ADAM18: variants seen among roughly 807,000 people sequenced by gnomAD.
The protein encoded by ADAM18 is disintegrin and metalloproteinase domain-containing protein 18.
In ADAM18, 117 loss-of-function variants were observed where a neutral mutation model predicts 94.4. That is an observed-to-expected ratio of 1.24 (90% CI 1.07 to 1.45). The LOEUF (loss-of-function observed/expected upper bound fraction) is 1.45. Ranked by LOEUF, ADAM18 falls within the 40% of genes most tolerant of loss-of-function variation. The pLI, the probability that ADAM18 is intolerant of heterozygous loss-of-function variation, is 0.00. For synonymous variants in ADAM18, 327 were observed against 291.6 expected (o/e 1.12, Z -1.24); for missense variants, 936 against 880.0 (o/e 1.06, Z -0.81).
chr8:39,706,662 T>C (rs1258343250), intron 17 of ADAM18, 128 bp from the exon 18 acceptor site: 4 of 497,230 alleles, frequency 8.0e-6, no homozygotes, highest in Non-Finnish European at 1.4e-5. Flanking sequence ...TCACATTATA[T>C]AGTCATAATA....
chr8:39,586,620 T>C (rs1818400352), intron 2 of ADAM18, among the ~76,000 whole-genome samples: 1 of 152,080 alleles, frequency 6.6e-6, no homozygotes, highest in Non-Finnish European at 1.5e-5. Context: ...CCAGCTGTTC[T>C]GGAGGCTGAG....
chr8:39,710,959 T>C (rs1822378938), intron 18 of ADAM18, among the ~76,000 whole-genome samples: 1 of 152,204 alleles, frequency 6.6e-6, no homozygotes, highest in African/African-American at 2.4e-5. Context: ...GGCTAATTCC[T>C]AGGCTCAGCG....
chr8:39,725,364 T>C (rs1822873913), intron 19 of ADAM18, among the ~76,000 whole-genome samples: 1 of 152,062 alleles, frequency 6.6e-6, no homozygotes, highest in Non-Finnish European at 1.5e-5. Context: ...TTGATATAGA[T>C]CTACCCTCTT....
intron 10 of ADAM18, among the ~76,000 whole-genome samples, chr8:39,644,792 C>CTT (rs1265342412): frequency 3.3e-5 from 5 of 152,236 alleles, no homozygotes; most frequent in African/African-American, 1.2e-4. Flanking sequence ...ACTTAACTAC[C>CTT]TTATTTTATA....
chr8:39,663,675 C>T, intron 12 of ADAM18, 120 bp from the exon 13 acceptor site: 1 of 294,928 alleles, frequency 3.4e-6, no homozygotes, highest in Non-Finnish European at 6.1e-6. Flanking sequence ...TGGAATTATA[C>T]AATTATATTG....
intron 14 of ADAM18, among the ~76,000 whole-genome samples, chr8:39,676,180 A>G (rs1276598326): frequency 6.6e-6 from 1 of 152,166 alleles, no homozygotes; most frequent in East Asian, 1.9e-4. Context: ...CTCTCTTCAG[A>G]GCTGTCAGAC....
In ADAM18 at chr8:39,597,022, C is replaced by T. The variant is rs560152091; in HGVS notation, c.133-9285C>T. Among the ~76,000 whole-genome samples, 32 of 151,342 alleles carry T rather than the reference C, an allele frequency of 2.1e-4. No individual in the cohort carries two copies. The South Asian group carries it at 4.8e-3, about 23-fold the overall frequency. On this transcript the variant is annotated intron_variant, in intron 2 of 19. Coordinates refer to ENST00000265707, the MANE Select transcript of ADAM18 (RefSeq NM_014237.3). ...CTGTCCTTATGGATGCACAGCCTCC[C>T]TGACTATCAGGTCTCATGTTTGTTT...
intron 6 of ADAM18, among the ~76,000 whole-genome samples, chr8:39,624,599 T>G (rs1819711728): frequency 6.6e-6 from 1 of 152,216 alleles, no homozygotes; most frequent in African/African-American, 2.4e-5. Context: ...AGATATGTTA[T>G]TTTGCTTAAG....
chr8:39,724,544 T>C (rs1033502774), intron 19 of ADAM18, among the ~76,000 whole-genome samples: 4 of 151,886 alleles, frequency 2.6e-5, no homozygotes, highest in Non-Finnish European at 4.4e-5. Flanking sequence ...GCTAGTGTTA[T>C]TCAGTTTTGT....
At position 39,648,726 on chromosome 8, in the gene ADAM18, A is replaced by T. The variant is rs545239428; in HGVS notation, c.1230+199A>T. Among the ~76,000 whole-genome samples the T allele has an allele frequency of 3.3e-5, 5 of 152,292 alleles. No individual in the cohort carries two copies. The South Asian group carries it at 1.0e-3, about 32-fold the overall frequency. On this transcript the variant is annotated intron_variant, in intron 12 of 19. Transcript: ENST00000265707. ...CTGAGAAGGCAAGTCTGTCATTAACACTAGGTTTGCATTACTGTTGCCAAT... is the reference window on the plus strand; with the variant it reads ...CTGAGAAGGCAAGTCTGTCATTAACTCTAGGTTTGCATTACTGTTGCCAAT...
chr8:39,618,615 G>A (rs1030640799), intron 6 of ADAM18, among the ~76,000 whole-genome samples: 1 of 152,220 alleles, frequency 6.6e-6, no homozygotes, highest in Non-Finnish European at 1.5e-5. Flanking sequence ...CTAGACAACC[G>A]GTTAGACCAG....
intron 14 of ADAM18, among the ~76,000 whole-genome samples, chr8:39,670,069 T>C (rs58937219): frequency 0.074 from 11,216 of 152,248 alleles, 1,278 homozygotes; most frequent in African/African-American, 0.24. Context: ...TGGCCAGTGA[T>C]GATGAGCATT....
At chr8:39,701,812 C>A (rs1354498866) in intron 17 of ADAM18, among the ~76,000 whole-genome samples, 1 of 152,122 alleles carries the variant, frequency 6.6e-6, no homozygotes, top group Admixed American at 6.5e-5. Context: ...CAGCAAAGGA[C>A]ATGATCTCAT....
At chr8:39,676,582 T>C (rs1254786724) in intron 14 of ADAM18, among the ~76,000 whole-genome samples, 2 of 123,112 alleles carry the variant, frequency 1.6e-5, no homozygotes, top group Non-Finnish European at 3.4e-5. Context: ...GGGAAATCCC[T>C]CGACTCCTTG....
rs1822337039 is a variant in ADAM18, at chr8:39,709,513, A to G, written c.2017+2609A>G. On this transcript the variant is annotated intron_variant, in intron 18 of 19. Transcript: ENST00000265707. ...TCTCAGGCTTTTCAGCTTGAGGTTC[A>G]GCCTTAGTTGGGGACCTGCCTTTTT... 2.6e-5 allele frequency among the ~76,000 whole-genome samples: 4 copies of G among 152,208 alleles called. No homozygotes were observed. In the South Asian group the frequency reaches 8.3e-4, roughly 32 times the overall value.
At chr8:39,593,194 C>T (rs1263979556) in intron 2 of ADAM18, among the ~76,000 whole-genome samples, 4 of 152,120 alleles carry the variant, frequency 2.6e-5, no homozygotes, top group East Asian at 3.8e-4. Flanking sequence ...GGGAATGTTA[C>T]GGCTGGTTTG....
At chr8:39,698,053 T>A (rs1490572620) in intron 17 of ADAM18, among the ~76,000 whole-genome samples, 5 of 151,892 alleles carry the variant, frequency 3.3e-5, no homozygotes, top group Non-Finnish European at 5.9e-5. Flanking sequence ...CCTTTTGGGA[T>A]TAAATTTACA....
At chr8:39,644,614 G>C (rs1820327805) in intron 10 of ADAM18, among the ~76,000 whole-genome samples, 1 of 152,060 alleles carries the variant, frequency 6.6e-6, no homozygotes, top group African/African-American at 2.4e-5. Flanking sequence ...GATTGTGTCT[G>C]ACTCTCTGGC....
intron 19 of ADAM18, 158 bp downstream of exon 19, chr8:39,724,065 T>C: frequency 1.7e-6 from 1 of 582,148 alleles, no homozygotes; most frequent in Non-Finnish European, 2.6e-6. Flanking sequence ...AATAATTTGT[T>C]ATTATATTGG....
Sources: gnomAD v4.1 joint callset for allele counts (sites outside exome capture counted in the v4.1 genomes callset) on GRCh38, gnomAD v4.1.1 for gene constraint, MANE v1.5 for transcripts, NCBI Gene and HGNC (gene_info 2026-07-23, HGNC 2026-07-21) for gene names.